The following NRG1 variants were observed in gnomAD, a reference collection of about 807,000 sequenced individuals.
The protein encoded by NRG1 is pro-neuregulin-1, membrane-bound isoform.
NRG1 carries 18 observed loss-of-function variants against 63.8 expected under a neutral mutation model. That is an observed-to-expected ratio of 0.28 (90% CI 0.19 to 0.42). NRG1 has a LOEUF of 0.42. Ranked by LOEUF, NRG1 falls within the 10% of genes least tolerant of loss-of-function variation. The probability of loss-of-function intolerance (pLI) is 1.00; values close to 1 mark genes in which losing one functional copy is unlikely to be tolerated. For synonymous variants in NRG1, 302 were observed against 301.3 expected, an observed-to-expected ratio of 1.00 and a Z score of -0.02; for missense variants, 762 against 814.7, an observed-to-expected ratio of 0.94 and a Z score of 0.79.
At chr8:32,688,640 T>G (rs1471151824) in intron 5 of NRG1, among the ~76,000 whole-genome samples, 2 of 152,240 alleles carry the variant, frequency 1.3e-5, no homozygotes, top group Non-Finnish European at 2.9e-5. Flanking sequence ...AGGAGTTTCA[T>G]GCCTCAGTTA....
chr8:32,557,967 T>C (rs1835506047), intron 1 of NRG1, among the ~76,000 whole-genome samples: 1 of 152,176 alleles, frequency 6.6e-6, no homozygotes, highest in African/African-American at 2.4e-5. Flanking sequence ...GAAATGTCAA[T>C]AGAAATAGTT....
intron 1 of NRG1, among the ~76,000 whole-genome samples, chr8:32,532,008 G>A (rs1285528030): frequency 6.6e-6 from 1 of 152,130 alleles, no homozygotes; most frequent in African/African-American, 2.4e-5. Flanking sequence ...TATAACCCAG[G>A]ATGCTCCCTG....
intron 5 of NRG1, among the ~76,000 whole-genome samples, chr8:32,642,033 A>C (rs1412354028): frequency 6.6e-6 from 1 of 152,216 alleles, no homozygotes; most frequent in African/African-American, 2.4e-5. Flanking sequence ...GATCTGTGGT[A>C]GTTGAGTTTC....
intron 2 of NRG1, among the ~76,000 whole-genome samples, chr8:32,602,263 C>G (rs1175391965): frequency 2.6e-5 from 4 of 151,982 alleles, no homozygotes; most frequent in Admixed American, 2.6e-4. Flanking sequence ...TTTTAAATCT[C>G]TCTTTCTTTT....
intron 1 of NRG1, among the ~76,000 whole-genome samples, chr8:32,068,294 G>A (rs1825200732): frequency 6.6e-6 from 1 of 152,140 alleles, no homozygotes; most frequent in East Asian, 1.9e-4. Flanking sequence ...ATGGCTTATG[G>A]GCAGGCTGAG....
intron 1 of NRG1, among the ~76,000 whole-genome samples, chr8:32,153,315 A>G (rs955331303): frequency 6.6e-6 from 1 of 152,182 alleles, no homozygotes; most frequent in Non-Finnish European, 1.5e-5. Context: ...AAGGACAGCT[A>G]TGCCCTTTGT....
At chr8:32,435,957 C>T (rs1156493279) in intron 1 of NRG1, among the ~76,000 whole-genome samples, 7 of 152,084 alleles carry the variant, frequency 4.6e-5, no homozygotes, top group East Asian at 1.9e-4. Context: ...AGGGTATATT[C>T]ATCTACCATT....
At chr8:32,629,971 C>T (rs972185533) in intron 5 of NRG1, among the ~76,000 whole-genome samples, 6 of 152,112 alleles carry the variant, frequency 3.9e-5, no homozygotes, top group Non-Finnish European at 8.8e-5. Context: ...CAGATGCTTT[C>T]TTCTGAGAAT....
intron 3 of NRG1, among the ~76,000 whole-genome samples, chr8:32,613,516 T>C (rs1429328982): frequency 3.9e-5 from 6 of 152,048 alleles, no homozygotes; most frequent in African/African-American, 1.4e-4. Flanking sequence ...TAAAGTTTTC[T>C]ACTCCATTAT....
intron 1 of NRG1, among the ~76,000 whole-genome samples, chr8:31,742,739 T>G (rs915383923): frequency 2.0e-5 from 3 of 151,926 alleles, no homozygotes; most frequent in African/African-American, 4.8e-5. Flanking sequence ...TTCAGGTACC[T>G]TGTATCTTTA....
intron 1 of NRG1, among the ~76,000 whole-genome samples, chr8:31,712,815 G>A (rs1811917616): frequency 6.6e-6 from 1 of 152,060 alleles, no homozygotes; most frequent in South Asian, 2.1e-4. Context: ...TTTGTGAGGT[G>A]GGAAGATCTA....
chr8:32,380,142 A>G (rs1042649478), intron 1 of NRG1, among the ~76,000 whole-genome samples: 2 of 151,858 alleles, frequency 1.3e-5, no homozygotes, highest in Non-Finnish European at 2.9e-5. Context: ...TTCTGTTCTT[A>G]TTTTATTATG....
At chr8:32,465,764 A>G (rs1822978210) in intron 1 of NRG1, among the ~76,000 whole-genome samples, 1 of 152,240 alleles carries the variant, frequency 6.6e-6, no homozygotes, top group Non-Finnish European at 1.5e-5. Context: ...GAAAAAGTCC[A>G]ACATTATGGA....
chr8:32,243,498 TTGA>T (rs1848323308), intron 1 of NRG1, among the ~76,000 whole-genome samples: 1 of 151,960 alleles, frequency 6.6e-6, no homozygotes, highest in Non-Finnish European at 1.5e-5. Context: ...TCATTTTAAC[TTGA>T]TGAGCTCTGT....
At chr8:32,764,393 T>G (rs1831250397) in exon 12 of NRG1, 1 of 1,575,390 alleles carries the variant, frequency 6.3e-7, no homozygotes, top group African/African-American at 1.4e-5. Flanking sequence ...AAGACCCTAT[T>G]GCTGTATAAA....
intron 1 of NRG1, among the ~76,000 whole-genome samples, chr8:32,448,733 C>G (rs531479521): frequency 1.3e-5 from 2 of 152,110 alleles, no homozygotes; most frequent in Admixed American, 6.6e-5. Flanking sequence ...AGAGGTTCCT[C>G]GGCACCTCCT....
chr8:32,609,558 CCTTCCT>C lies in NRG1; in HGVS notation c.400+3876_400+3881del, dbSNP rs1563760362. On this transcript the variant is annotated intron_variant, in intron 3 of 11. Transcript: ENST00000356819. ...CAAGAATTTCCTTCCCTCCCTCCTT[CCTTCCT>C]TCCTTCCTTCCTTCCTTCCTTCCTT... Among the ~76,000 whole-genome samples the C allele has an allele frequency of 9.7e-3, 449 of 46,172 alleles. 12 individuals are homozygous for C. The highest frequency in any genetic ancestry group is 0.029 in the African/African-American group (430 of 14,814). 30.3% of individuals were successfully genotyped at this position (46,172 alleles called of 152,430 possible). A position where few individuals can be genotyped will look rare whatever the true frequency, so the allele number is the denominator to read the frequency against.
intron 1 of NRG1, among the ~76,000 whole-genome samples, chr8:32,381,194 C>T (rs1283751824): frequency 6.6e-6 from 1 of 152,194 alleles, no homozygotes; most frequent in Non-Finnish European, 1.5e-5. Context: ...CAGATTCTTT[C>T]CAGCTTGGTG....
At chr8:31,815,247 A>G (rs1417508043) in intron 1 of NRG1, among the ~76,000 whole-genome samples, 1 of 151,984 alleles carries the variant, frequency 6.6e-6, no homozygotes, top group Non-Finnish European at 1.5e-5. Context: ...ATAACTCCCC[A>G]TTCCCCCTCA....
Sources: gnomAD v4.1 joint callset for allele counts (sites outside exome capture counted in the v4.1 genomes callset) on GRCh38, gnomAD v4.1.1 for gene constraint, MANE v1.5 for transcripts, NCBI Gene and HGNC (gene_info 2026-07-23, HGNC 2026-07-21) for gene names.